LIMA1: variants seen among roughly 807,000 people sequenced by gnomAD.
LIMA1 encodes LIM domain and actin binding 1.
LIMA1 carries 52 observed loss-of-function variants against 62.6 expected under a neutral mutation model. The ratio of observed to expected loss-of-function variants is 0.83; its 90% CI spans 0.67 to 1.05. LIMA1 has a LOEUF of 1.05. Ranked by LOEUF, LIMA1 falls within the 50% of genes least tolerant of loss-of-function variation. LIMA1 has a pLI of 0.00. For missense variants in LIMA1, 780 were observed against 902.2 expected, an observed-to-expected ratio of 0.86 and a Z score of 1.74; for synonymous variants, 302 against 317.8, an observed-to-expected ratio of 0.95 and a Z score of 0.53.
intron 1 of LIMA1, among the ~76,000 whole-genome samples, chr12:50,276,819 G>A (rs1387009833): frequency 6.6e-6 from 1 of 151,750 alleles, no homozygotes; most frequent in Non-Finnish European, 1.5e-5. Context: ...AGAGTGAGCC[G>A]AGATTGTGCC....
chr12:50,256,584 G>T (rs1191520706), intron 1 of LIMA1, among the ~76,000 whole-genome samples: 1 of 152,092 alleles, frequency 6.6e-6, no homozygotes, highest in African/African-American at 2.4e-5. Flanking sequence ...GTCTTCCTAA[G>T]TCTACCCCAA....
chr12:50,223,883 C>T (rs1565848214), intron 3 of LIMA1, among the ~76,000 whole-genome samples: 1 of 151,920 alleles, frequency 6.6e-6, no homozygotes, highest in East Asian at 1.9e-4. Context: ...ACTAAAAATA[C>T]AAAAAATAGC....
chr12:50,179,951 G>A lies in LIMA1; in HGVS notation c.1275-1882C>T, dbSNP rs1263071436. Among the ~76,000 whole-genome samples the A allele has an allele frequency of 2.6e-5, 4 of 151,504 alleles. No homozygotes were observed. The East Asian group carries it at 7.9e-4, about 30-fold the overall frequency. On this transcript the variant is annotated intron_variant, in intron 10 of 10. Coordinates refer to ENST00000341247, the MANE Select transcript of LIMA1 (RefSeq NM_016357.5). Reference sequence around the variant, plus strand: ...AGGCCGAGGTGGGCAGATCACTTGAGGTCAGAAGTTTGAGACCAGCCTGAC... The same window carrying A: ...AGGCCGAGGTGGGCAGATCACTTGAAGTCAGAAGTTTGAGACCAGCCTGAC...
rs191669750 is a variant in LIMA1, at chr12:50,232,610, C to A, written c.120-900G>T. Among the ~76,000 whole-genome samples, 9 of 151,966 alleles carry A rather than the reference C, an allele frequency of 5.9e-5. 1 individual carries two copies. Among genetic ancestry groups the A allele is most frequent in the African/African-American group, 2.2e-4 (9 of 41,486 alleles). ...TCTCAAACTCCTGAGTTTAAGTGATCTGCTGGCCTCAGCCTCCCCAAATGC... is the reference window on the plus strand; with the variant it reads ...TCTCAAACTCCTGAGTTTAAGTGATATGCTGGCCTCAGCCTCCCCAAATGC... On this transcript the variant is annotated intron_variant, in intron 2 of 10. Coordinates refer to ENST00000341247, the MANE Select transcript of LIMA1 (RefSeq NM_016357.5).
At chr12:50,254,175 A>G (rs2138654352) in intron 1 of LIMA1, among the ~76,000 whole-genome samples, 1 of 152,320 alleles carries the variant, frequency 6.6e-6, no homozygotes, top group South Asian at 2.1e-4. Context: ...ACTGTGAAGG[A>G]AGAACTGCTG....
At position 50,247,670 on chromosome 12, in the gene LIMA1, C is replaced by A. The variant is rs1592553067; in HGVS notation, c.119+963G>T. On this transcript the variant is annotated intron_variant, in intron 2 of 10. Coordinates refer to ENST00000341247, the MANE Select transcript of LIMA1 (RefSeq NM_016357.5). ...ACAGAGTCTCGCTCTGTTGCCCAGG[C>A]TGTAGTGCAGTGGCACGATTTCAGC... Among the ~76,000 whole-genome samples, 5 of 147,984 alleles carry A rather than the reference C, an allele frequency of 3.4e-5. No individual in the cohort carries two copies. The Admixed American group carries it at 3.4e-4, about 10-fold the overall frequency.
chr12:50,195,681 G>A, intron 8 of LIMA1, 149 bp downstream of exon 8: 1 of 692,518 alleles, frequency 1.4e-6, no homozygotes, highest in Non-Finnish European at 2.3e-6. Flanking sequence ...CATGAAGTGT[G>A]TAAAGGACAT....
intron 4 of LIMA1, chr12:50,217,900 CTTTTCT>C (rs1220622831): frequency 4.5e-3 from 683 of 151,384 alleles, no homozygotes; most frequent in Non-Finnish European, 7.3e-3. Flanking sequence ...TGATGAATTT[CTTTTCT>C]TTTTTTTTTT....
At chr12:50,201,443 T>C (rs775390527) in intron 6 of LIMA1, 6 of 981,096 alleles carry the variant, frequency 6.1e-6, no homozygotes, top group Non-Finnish European at 7.3e-6. Flanking sequence ...ATACAATTCA[T>C]ATATTGTACT....
chr12:50,193,497 TC>T (rs1408768569), intron 8 of LIMA1, among the ~76,000 whole-genome samples: 4 of 135,360 alleles, frequency 3.0e-5, no homozygotes, highest in Non-Finnish European at 6.2e-5. Flanking sequence ...TATATATATA[TC>T]ATATATGTGT....
In LIMA1 at chr12:50,231,765, T is replaced by G. The variant is rs1941614903; in HGVS notation, c.120-55A>C. On this transcript the variant is annotated intron_variant, in intron 2 of 10. Coordinates refer to ENST00000341247, the MANE Select transcript of LIMA1 (RefSeq NM_016357.5). ...AAATTAAACTTATATTTTTACTCTT[T>G]CAATTTTTTATCTTTTTTTGAGATG... The G allele has an allele frequency of 4.6e-6, 7 of 1,538,294 alleles. No individual in the cohort carries two copies. The South Asian group carries it at 6.7e-5, about 15-fold the overall frequency.
chr12:50,227,250 T>C (rs1450672400), intron 3 of LIMA1, among the ~76,000 whole-genome samples: 2 of 147,104 alleles, frequency 1.4e-5, no homozygotes, highest in African/African-American at 2.5e-5. Context: ...TTTTTTTTTT[T>C]TTTTTTGAGA....
intron 4 of LIMA1, among the ~76,000 whole-genome samples, chr12:50,211,010 A>G (rs941009858): frequency 4.6e-5 from 7 of 152,030 alleles, no homozygotes; most frequent in Admixed American, 2.0e-4. Flanking sequence ...TCACCTTTAA[A>G]CCACTCAAAC....
chr12:50,265,704 T>C (rs538944361), intron 1 of LIMA1, among the ~76,000 whole-genome samples: 68 of 152,288 alleles, frequency 4.5e-4, no homozygotes, highest in African/African-American at 1.6e-3. Flanking sequence ...AAAAGTCAAA[T>C]TAAACACAAA....
intron 3 of LIMA1, among the ~76,000 whole-genome samples, chr12:50,225,219 A>G (rs1455881086): frequency 1.3e-5 from 2 of 152,110 alleles, no homozygotes; most frequent in Non-Finnish European, 2.9e-5. Flanking sequence ...TCTCTTTAAA[A>G]TGTTCATAAC....
Position 50,177,980 on chromosome 12 carries a change from C to T in LIMA1, c.1364G>A (p.Gly455Asp), listed in dbSNP as rs1940394151. Residue 455 changes from glycine (G) to aspartate (D), a missense_variant, in exon 11 of 11, where the codon GGC becomes GAC. Transcript: ENST00000341247. Reference sequence around the variant, plus strand: ...ATCCTTGTGTGGTCTGTGCCCAAAGCCTTCATCATAGTTGCCCTTAGATTT... The same window carrying T: ...ATCCTTGTGTGGTCTGTGCCCAAAGTCTTCATCATAGTTGCCCTTAGATTT... Reference protein sequence around the residue: ...LFKSKGNYDEGFGHRPHKDLW... With the variant: ...LFKSKGNYDEDFGHRPHKDLW... 1 of 1,606,230 alleles carries T rather than the reference C, an allele frequency of 6.2e-7. No homozygotes were observed. The highest frequency in any genetic ancestry group is 8.5e-7 in the Non-Finnish European group (1 of 1,177,878).
chr12:50,271,391 T>C (rs888161398), intron 1 of LIMA1, among the ~76,000 whole-genome samples: 1 of 152,198 alleles, frequency 6.6e-6, no homozygotes, highest in Non-Finnish European at 1.5e-5. Context: ...AATTCAAGTC[T>C]AACTCCACCT....
In LIMA1 at chr12:50,267,961, A is replaced by AT. The variant is rs994495881; in HGVS notation, c.-24+15458dup. Among the ~76,000 whole-genome samples, 3 of 152,034 alleles carry AT rather than the reference A, an allele frequency of 2.0e-5. No homozygotes were observed. In the East Asian group the frequency reaches 5.8e-4, roughly 29 times the overall value. Reference sequence around the variant, plus strand: ...TAAGCCACCGTGCCCGGCCACATTTATTTTTTTAACGACATTTATAAATTG... The same window carrying AT: ...TAAGCCACCGTGCCCGGCCACATTTATTTTTTTTAACGACATTTATAAATTG... On this transcript the variant is annotated intron_variant, in intron 1 of 10. Transcript: ENST00000341247.
intron 4 of LIMA1, among the ~76,000 whole-genome samples, chr12:50,216,551 T>C (rs1373174086): frequency 6.6e-6 from 1 of 152,098 alleles, no homozygotes; most frequent in Non-Finnish European, 1.5e-5. Flanking sequence ...GTTACATTAA[T>C]CCATATACCA....
Sources: gnomAD v4.1 joint callset for allele counts (sites outside exome capture counted in the v4.1 genomes callset) on GRCh38, gnomAD v4.1.1 for gene constraint, MANE v1.5 for transcripts, NCBI Gene and HGNC (gene_info 2026-07-23, HGNC 2026-07-21) for gene names.